The following TAF1B variants were observed in gnomAD, a reference collection of about 807,000 sequenced individuals.
The protein encoded by TAF1B is TATA box-binding protein-associated factor RNA polymerase I subunit B.
A neutral mutation model predicts 83.9 loss-of-function variants in TAF1B; 61 were observed. The observed-to-expected ratio is 0.73, with a 90% CI of 0.59 to 0.90. The LOEUF (loss-of-function observed/expected upper bound fraction) is 0.90, where lower values mean the gene tolerates loss of function less well. TAF1B is among the 40% of genes least tolerant of loss of function. TAF1B has a pLI of 0.00. For synonymous variants in TAF1B, 221 were observed against 224.6 expected, an observed-to-expected ratio of 0.98 and a Z score of 0.14; for missense variants, 625 against 677.0, an observed-to-expected ratio of 0.92 and a Z score of 0.85.
intron 7 of TAF1B, among the ~76,000 whole-genome samples, chr2:9,881,810 A>T (rs1664516330): frequency 6.6e-6 from 1 of 152,194 alleles, no homozygotes; most frequent in Admixed American, 6.5e-5. Context: ...AATTGACTCA[A>T]AATATTTGAT....
intron 8 of TAF1B, among the ~76,000 whole-genome samples, chr2:9,900,747 G>T (rs1665156877): frequency 6.6e-6 from 1 of 152,076 alleles, no homozygotes; most frequent in African/African-American, 2.4e-5. Context: ...GAAAAGGGAG[G>T]TGTCAAGGAT....
chr2:9,845,216 A>T lies in TAF1B; in HGVS notation c.19-4A>T. The T allele has an allele frequency of 6.2e-7, 1 of 1,608,500 alleles. No homozygotes were observed. Among genetic ancestry groups the T allele is most frequent in the Non-Finnish European group, 8.5e-7 (1 of 1,175,756 alleles). ...AACACCTTTTCTGTCCTCTTCTCCC[A>T]TAGGAAGAGTTTAAAGAACGCTGTA... On this transcript the variant is annotated splice_polypyrimidine_tract_variant and splice_region_variant and intron_variant, in intron 1 of 14. Coordinates refer to ENST00000263663, the MANE Select transcript of TAF1B (RefSeq NM_005680.3).
At chr2:9,886,555 T>G (rs1359382143) in intron 8 of TAF1B, among the ~76,000 whole-genome samples, 1 of 152,224 alleles carries the variant, frequency 6.6e-6, no homozygotes, top group African/African-American at 2.4e-5. Context: ...TCATTTTAAA[T>G]GTACTCACAT....
At chr2:9,906,762 G>C (rs1231556324) in intron 9 of TAF1B, among the ~76,000 whole-genome samples, 4 of 152,044 alleles carry the variant, frequency 2.6e-5, no homozygotes, top group African/African-American at 9.7e-5. Context: ...ATGTTAAAGT[G>C]GCTATTTCTA....
intron 2 of TAF1B, chr2:9,846,300 T>A (rs1030933573): frequency 2.8e-6 from 1 of 361,572 alleles, no homozygotes; most frequent in Non-Finnish European, 5.4e-6. Context: ...ACATTGTGAG[T>A]GCTAGGTCCT....
chr2:9,887,211 C>T (rs1435191140), intron 8 of TAF1B, among the ~76,000 whole-genome samples: 1 of 152,124 alleles, frequency 6.6e-6, no homozygotes, highest in South Asian at 2.1e-4. Flanking sequence ...TAAACTGTTT[C>T]CTTCCTCTTT....
intron 9 of TAF1B, among the ~76,000 whole-genome samples, chr2:9,906,493 C>CTTTATTTATAATATTTATAATATAA (rs1665347393): frequency 6.6e-6 from 1 of 152,072 alleles, no homozygotes; most frequent in African/African-American, 2.4e-5. Flanking sequence ...TCATTAGTCT[C>CTTTATTTATAATATTTATAATATAA]TTTATTTATA....
chr2:9,929,793 C>T (rs956763702), intron 14 of TAF1B, among the ~76,000 whole-genome samples: 16 of 152,020 alleles, frequency 1.1e-4, no homozygotes, highest in Admixed American at 1.3e-4. Context: ...CTGATGAGTT[C>T]GGCTGTGAAT....
Position 9,919,056 on chromosome 2 carries a change from T to A in TAF1B, c.1287T>A (p.Ser429Arg), listed in dbSNP as rs754275462. ...CCTTGTACAGGTACCTGTGGAAAAG[T>A]GAAAAGCCACTCTACTACTCATTTG... ...EEARAKYLWKSEKPLYYSFVD... is the reference protein window; with the variant it reads ...EEARAKYLWKREKPLYYSFVD... The change falls in exon 13 of 15, where the codon AGT becomes AGA. Residue 429 changes from serine (S) to arginine (R), a missense_variant. Transcript: ENST00000263663. The A allele has an allele frequency of 6.2e-7, 1 of 1,613,934 alleles. No individual in the cohort carries two copies.
At chr2:9,905,415 G>T (rs903432527) in intron 9 of TAF1B, among the ~76,000 whole-genome samples, 2 of 152,084 alleles carry the variant, frequency 1.3e-5, no homozygotes, top group Non-Finnish European at 2.9e-5. Context: ...AAAAATCCTA[G>T]AAGCTAATCT....
intron 5 of TAF1B, among the ~76,000 whole-genome samples, chr2:9,864,673 T>C (rs1449075700): frequency 1.3e-5 from 2 of 152,162 alleles, no homozygotes; most frequent in Non-Finnish European, 2.9e-5. Flanking sequence ...TGATGAACAT[T>C]GATGCAAAAA....
In TAF1B at chr2:9,919,625, T is replaced by G; in HGVS notation, c.1370T>G (p.Phe457Cys). 1 of 1,614,166 alleles carries G rather than the reference T, an allele frequency of 6.2e-7. No individual in the cohort carries two copies. Among genetic ancestry groups the G allele is most frequent in the Non-Finnish European group, 8.5e-7 (1 of 1,180,026 alleles). ...ATGGTGGTGAATCTACAGAAACAAT[T>G]TAGCACACTGGTCGAGTCAACAGCA... The part of the protein sequence containing the change: ...REMVVNLQKQ[F>C]STLVESTATA... The change falls in exon 14 of 15, where the codon TTT becomes TGT. Residue 457 changes from phenylalanine (F) to cysteine (C), a missense_variant. Transcript: ENST00000263663.
At chr2:9,880,342 C>T (rs1664460586) in intron 7 of TAF1B, among the ~76,000 whole-genome samples, 1 of 147,622 alleles carries the variant, frequency 6.8e-6, no homozygotes, top group Admixed American at 6.9e-5. Context: ...ACCAGTTTTT[C>T]TGTCAACTTC....
intron 3 of TAF1B, among the ~76,000 whole-genome samples, chr2:9,850,449 G>A (rs1663350384): frequency 6.6e-6 from 1 of 152,140 alleles, no homozygotes; most frequent in Non-Finnish European, 1.5e-5. Flanking sequence ...GGGAGTATAT[G>A]CATATAGCTT....
intron 7 of TAF1B, among the ~76,000 whole-genome samples, chr2:9,877,935 G>A (rs1664373095): frequency 6.6e-6 from 1 of 151,890 alleles, no homozygotes; most frequent in African/African-American, 2.4e-5. Context: ...GGGGGCTTTT[G>A]TTTTGCTCTG....
rs141776880 is a variant in TAF1B, at chr2:9,904,953, A to G, written c.902A>G (p.Tyr301Cys). 3.9e-5 allele frequency: 63 copies of G among 1,612,118 alleles called. No homozygotes were observed. In the African/African-American group the frequency reaches 6.3e-4, roughly 16 times the overall value. Reference protein sequence around the residue: ...PRFPDITEDCYLHPNILCMKY... With the variant: ...PRFPDITEDCCLHPNILCMKY... ...TTTCCAGACATAACTGAAGACTGCT[A>G]TCTTCATCCCAACATACTGTGTATG... The change falls in exon 9 of 15, where the codon TAT (tyrosine) becomes TGT (cysteine). Residue 301 changes from tyrosine to cysteine, a missense_variant. Physicochemically the swap from Tyr to Cys is radical, Grantham distance 194. Transcript: ENST00000263663.
At chr2:9,904,781 A>G (rs111447233) in intron 8 of TAF1B, 78 bp from the exon 9 acceptor site, 1 of 1,399,590 alleles carries the variant, frequency 7.1e-7, no homozygotes, top group African/African-American at 1.4e-5. Flanking sequence ...AATAATAGCC[A>G]TTCTAAATCA....
At chr2:9,870,170 G>T (rs569887713) in intron 6 of TAF1B, among the ~76,000 whole-genome samples, 1 of 151,740 alleles carries the variant, frequency 6.6e-6, no homozygotes, top group Non-Finnish European at 1.5e-5. Flanking sequence ...TAAAAAAATC[G>T]TAAAAATAAA....
intron 8 of TAF1B, among the ~76,000 whole-genome samples, chr2:9,892,841 C>A (rs1198941547): frequency 6.6e-6 from 1 of 152,136 alleles, no homozygotes; most frequent in Admixed American, 6.5e-5. Context: ...ACCTCCATTT[C>A]ATTTCCATGA....
Sources: gnomAD v4.1 joint callset for allele counts (sites outside exome capture counted in the v4.1 genomes callset) on GRCh38, gnomAD v4.1.1 for gene constraint, MANE v1.5 for transcripts, NCBI Gene and HGNC (gene_info 2026-07-23, HGNC 2026-07-21) for gene names.